The following DNAJC1 variants were observed in gnomAD, a reference collection of about 807,000 sequenced individuals.
DNAJC1 encodes the protein DnaJ heat shock protein family (Hsp40) member C1.
Under a neutral mutation model 76.6 loss-of-function variants are expected in DNAJC1, and 58 were observed. The observed-to-expected ratio is 0.76, with a 90% CI of 0.61 to 0.94. DNAJC1 has a LOEUF of 0.94. Ranked by LOEUF, DNAJC1 falls within the 40% of genes least tolerant of loss-of-function variation. The probability of loss-of-function intolerance (pLI) is 0.00; values close to 1 mark genes in which losing one functional copy is unlikely to be tolerated. For missense variants in DNAJC1, 689 were observed against 677.3 expected, an observed-to-expected ratio of 1.02 and a Z score of -0.19; for synonymous variants, 258 against 267.9, an observed-to-expected ratio of 0.96 and a Z score of 0.36.
intron 10 of DNAJC1, among the ~76,000 whole-genome samples, chr10:21,761,698 A>G (rs1351760945): frequency 6.6e-6 from 1 of 152,186 alleles, no homozygotes; most frequent in Non-Finnish European, 1.5e-5. Context: ...ACGTCTAGAA[A>G]CAGTGTCACA....
chr10:21,955,920 G>C (rs1382403240), intron 1 of DNAJC1, among the ~76,000 whole-genome samples: 4 of 152,050 alleles, frequency 2.6e-5, no homozygotes, highest in Admixed American at 6.6e-5. Flanking sequence ...GTAATACCTT[G>C]ATTCTTAAAA....
In DNAJC1 at chr10:21,759,732, G is replaced by A. The variant is rs1834219613; in HGVS notation, c.1148-114C>T. 6.7e-6 allele frequency: 6 copies of A among 895,222 alleles called. No individual in the cohort carries two copies. The Admixed American group carries it at 8.1e-5, about 12-fold the overall frequency. The allele number at this position is 895,222 out of a possible 1,614,324, so 55.5% of individuals were successfully genotyped here. A position where few individuals can be genotyped will look rare whatever the true frequency, so the allele number is the denominator to read the frequency against. On this transcript the variant is annotated intron_variant, in intron 10 of 11. Coordinates refer to ENST00000376980, the MANE Select transcript of DNAJC1 (RefSeq NM_022365.4). ...AGCGCACTAGGCATTTTGCATGCATGGTTTAATTTCATTTCCACACTACTC... is the reference window on the plus strand; with the variant it reads ...AGCGCACTAGGCATTTTGCATGCATAGTTTAATTTCATTTCCACACTACTC...
chr10:22,001,436 C>G (rs980499060), intron 1 of DNAJC1, among the ~76,000 whole-genome samples: 7 of 152,174 alleles, frequency 4.6e-5, no homozygotes, highest in African/African-American at 1.7e-4. Flanking sequence ...AATTTTAATA[C>G]AGCTGGATAG....
intron 1 of DNAJC1, among the ~76,000 whole-genome samples, chr10:21,973,279 G>C (rs937451955): frequency 6.6e-6 from 1 of 152,100 alleles, no homozygotes; most frequent in Non-Finnish European, 1.5e-5. Flanking sequence ...ACCAATGAAT[G>C]AAACTGACAG....
intron 8 of DNAJC1, among the ~76,000 whole-genome samples, chr10:21,851,329 A>T (rs532907584): frequency 2.6e-5 from 4 of 152,364 alleles, no homozygotes; most frequent in African/African-American, 9.6e-5. Flanking sequence ...TTATTCAAAG[A>T]AGCTACACAA....
chr10:21,949,798 A>G (rs1448652727), intron 1 of DNAJC1, among the ~76,000 whole-genome samples: 1 of 151,938 alleles, frequency 6.6e-6, no homozygotes, highest in Non-Finnish European at 1.5e-5. Context: ...TGGGAGAGTT[A>G]AGGAGGACTG....
intron 8 of DNAJC1, among the ~76,000 whole-genome samples, chr10:21,831,776 C>A (rs977790922): frequency 7.9e-6 from 1 of 126,166 alleles, no homozygotes; most frequent in Non-Finnish European, 1.6e-5. Context: ...GGCGACAGAG[C>A]GAGACTCCAT....
rs373180403 is a variant in DNAJC1 at position 21,961,437 on chromosome 10, T to C, written c.223-32296A>G. Among the ~76,000 whole-genome samples the C allele has an allele frequency of 9.8e-5, 15 of 152,324 alleles. No homozygotes were observed. The South Asian group carries it at 2.3e-3, about 23-fold the overall frequency. The stretch of plus-strand genomic sequence containing the variant: ...ACACACACTACAGCAAAGATGAACC[T>C]TGAAAACATTATACTAAGTGAAATA... On this transcript the variant is annotated intron_variant, in intron 1 of 11. Coordinates refer to ENST00000376980, the MANE Select transcript of DNAJC1 (RefSeq NM_022365.4).
chr10:21,762,751 A>AG (rs1834256532), intron 10 of DNAJC1, among the ~76,000 whole-genome samples: 1 of 152,166 alleles, frequency 6.6e-6, no homozygotes, highest in Admixed American at 6.5e-5. Flanking sequence ...CTGGGACTAC[A>AG]GGCCTACACC....
intron 8 of DNAJC1, among the ~76,000 whole-genome samples, chr10:21,856,941 G>A (rs926823377): frequency 2.6e-5 from 4 of 151,982 alleles, no homozygotes; most frequent in Non-Finnish European, 5.9e-5. Flanking sequence ...TCACCATGCA[G>A]ATCAGGCTGG....
chr10:21,914,914 T>A (rs1369724320), intron 6 of DNAJC1, among the ~76,000 whole-genome samples: 1 of 152,182 alleles, frequency 6.6e-6, no homozygotes, highest in African/African-American at 2.4e-5. Flanking sequence ...CTTCTCTGAC[T>A]ATCTACAGAA....
chr10:21,839,194 G>T (rs1395261646), intron 8 of DNAJC1, among the ~76,000 whole-genome samples: 1 of 152,154 alleles, frequency 6.6e-6, no homozygotes, highest in African/African-American at 2.4e-5. Flanking sequence ...AAAAGAACTA[G>T]AAAAGCAAGA....
At chr10:21,856,050 T>C (rs189383630) in intron 8 of DNAJC1, among the ~76,000 whole-genome samples, 37 of 152,306 alleles carry the variant, frequency 2.4e-4, no homozygotes, top group African/African-American at 8.2e-4. Flanking sequence ...TGAACAATAT[T>C]AGAGATAGTT....
intron 6 of DNAJC1, among the ~76,000 whole-genome samples, chr10:21,916,957 A>G (rs1227800573): frequency 3.9e-5 from 6 of 152,150 alleles, no homozygotes; most frequent in Non-Finnish European, 7.4e-5. Context: ...AAAAAGGAAA[A>G]TCATCTTAAT....
chr10:21,932,718 T>C (rs1184174904), intron 1 of DNAJC1, among the ~76,000 whole-genome samples: 1 of 152,234 alleles, frequency 6.6e-6, no homozygotes, highest in East Asian at 1.9e-4. Context: ...GCTTTTATTT[T>C]GCCACACTCA....
At chr10:21,986,918 C>T (rs1206582172) in intron 1 of DNAJC1, among the ~76,000 whole-genome samples, 2 of 152,052 alleles carry the variant, frequency 1.3e-5, no homozygotes, top group African/African-American at 2.4e-5. Flanking sequence ...TAGACAGCTG[C>T]CACCACACCC....
At chr10:21,937,222 A>T (rs1837323780) in intron 1 of DNAJC1, among the ~76,000 whole-genome samples, 1 of 152,126 alleles carries the variant, frequency 6.6e-6, no homozygotes, top group Non-Finnish European at 1.5e-5. Flanking sequence ...TGGTGTCTAT[A>T]AGAGACTCAC....
chr10:21,889,245 A>G, intron 7 of DNAJC1, among the ~76,000 whole-genome samples: 1 of 152,160 alleles, frequency 6.6e-6, no homozygotes, highest in Non-Finnish European at 1.5e-5. Context: ...CTTTTAAACA[A>G]GCAGATCTCA....
intron 9 of DNAJC1, among the ~76,000 whole-genome samples, chr10:21,791,438 C>A (rs1459240904): frequency 1.3e-5 from 2 of 151,866 alleles, no homozygotes; most frequent in African/African-American, 4.8e-5. Flanking sequence ...CTACAGAATA[C>A]ACATTCTTCT....
Sources: allele counts gnomAD v4.1 joint callset (sites outside exome capture counted in the v4.1 genomes callset), GRCh38; gene constraint gnomAD v4.1.1; transcripts MANE v1.5; gene names NCBI Gene and HGNC (gene_info 2026-07-23, HGNC 2026-07-21).